FOXP1: variants seen among roughly 807,000 people sequenced by gnomAD.
FOXP1 encodes forkhead box P1, also known as forkhead box protein P1.
Under a neutral mutation model 98.2 loss-of-function variants are expected in FOXP1, and 15 were observed. The observed-to-expected ratio is 0.15, with a 90% confidence interval of 0.10 to 0.24. FOXP1 has a LOEUF of 0.24. FOXP1 is among the 10% of genes least tolerant of loss of function. The pLI, the probability that FOXP1 is intolerant of heterozygous loss-of-function variation, is 1.00. For missense variants in FOXP1, 633 were observed against 848.5 expected (o/e 0.75, Z 3.15); for synonymous variants, 371 against 314.5 (o/e 1.18, Z -1.90).
At chr3:71,450,728 T>A (rs2086870139) in intron 3 of FOXP1, among the ~76,000 whole-genome samples, 1 of 152,174 alleles carries the variant, frequency 6.6e-6, no homozygotes, top group Non-Finnish European at 1.5e-5. Flanking sequence ...AGTGATAAGA[T>A]GAGTTGGTCA....
chr3:71,193,656 C>T (rs112565877), intron 6 of FOXP1, among the ~76,000 whole-genome samples: 7 of 151,998 alleles, frequency 4.6e-5, no homozygotes, highest in African/African-American at 1.4e-4. Context: ...GCCATGTTGG[C>T]CAGGCTGGTC....
intron 5 of FOXP1, among the ~76,000 whole-genome samples, chr3:71,235,176 G>A (rs2066670636): frequency 6.6e-6 from 1 of 152,122 alleles, no homozygotes. Flanking sequence ...AAGTCCCCTT[G>A]GATTTTAAGG....
At chr3:71,511,102 T>C (rs767376955) in intron 2 of FOXP1, among the ~76,000 whole-genome samples, 1 of 152,204 alleles carries the variant, frequency 6.6e-6, no homozygotes, top group East Asian at 1.9e-4. Flanking sequence ...AATATCTAAA[T>C]TAAGTCAAAT....
At chr3:71,047,631 T>G (rs185750281) in intron 9 of FOXP1, among the ~76,000 whole-genome samples, 1 of 152,302 alleles carries the variant, frequency 6.6e-6, no homozygotes, top group East Asian at 1.9e-4. Flanking sequence ...AACGATGAAA[T>G]AACATTGTAA....
chr3:71,545,683 C>CTA (rs2045301012), intron 2 of FOXP1, among the ~76,000 whole-genome samples: 1 of 152,044 alleles, frequency 6.6e-6, no homozygotes, highest in Non-Finnish European at 1.5e-5. Flanking sequence ...TAAATTTAAC[C>CTA]TATATATATC....
chr3:71,412,318 A>T (rs928443151), intron 3 of FOXP1, among the ~76,000 whole-genome samples: 7 of 152,184 alleles, frequency 4.6e-5, no homozygotes, highest in Non-Finnish European at 1.0e-4. Flanking sequence ...TACCTTCTGC[A>T]AAGACATAAT....
intron 5 of FOXP1, among the ~76,000 whole-genome samples, chr3:71,271,059 C>T (rs541787129): frequency 6.6e-5 from 10 of 152,238 alleles, no homozygotes; most frequent in South Asian, 2.1e-4. Flanking sequence ...GGTGAAACCC[C>T]GACTCTGCTA....
At chr3:71,475,016 CGCTGTGTCAG>C (rs1371860775) in intron 3 of FOXP1, among the ~76,000 whole-genome samples, 2 of 152,036 alleles carry the variant, frequency 1.3e-5, no homozygotes, top group African/African-American at 4.8e-5. Context: ...CACTGCCATC[CGCTGTGTCAG>C]GCAAGCTCAA....
chr3:71,286,249 T>C (rs911867735), intron 5 of FOXP1, among the ~76,000 whole-genome samples: 1 of 152,182 alleles, frequency 6.6e-6, no homozygotes, highest in Admixed American at 6.5e-5. Flanking sequence ...CTTCATTGAT[T>C]GGCCATTTGG....
At chr3:71,563,520 A>G (rs2046692768) in intron 2 of FOXP1, among the ~76,000 whole-genome samples, 1 of 152,222 alleles carries the variant, frequency 6.6e-6, no homozygotes, top group Admixed American at 6.5e-5. Context: ...TCTTAAGGAC[A>G]ATGCTTTATT....
chr3:71,464,269 C>T, intron 3 of FOXP1, among the ~76,000 whole-genome samples: 1 of 152,128 alleles, frequency 6.6e-6, no homozygotes, highest in African/African-American at 2.4e-5. Flanking sequence ...GAACGAGATC[C>T]TGTCTCAAAA....
intron 5 of FOXP1, among the ~76,000 whole-genome samples, chr3:71,255,757 T>A (rs1318652589): frequency 6.6e-6 from 1 of 152,236 alleles, no homozygotes; most frequent in East Asian, 1.9e-4. Context: ...TATTATGTTT[T>A]ATTATATATT....
chr3:71,229,664 T>C (rs17008381), intron 5 of FOXP1, among the ~76,000 whole-genome samples: 13,036 of 152,198 alleles, frequency 0.086, 644 homozygotes, highest in East Asian at 0.18. Flanking sequence ...TTGTAGAATA[T>C]GCAAATGGGC....
chr3:71,506,045 C>G (rs752069458), intron 2 of FOXP1, among the ~76,000 whole-genome samples: 2 of 152,192 alleles, frequency 1.3e-5, no homozygotes, highest in African/African-American at 2.4e-5. Flanking sequence ...ACAATAAGAG[C>G]CTTGTCACCG....
At chr3:71,432,545 C>T (rs2084815206) in intron 3 of FOXP1, among the ~76,000 whole-genome samples, 1 of 152,132 alleles carries the variant, frequency 6.6e-6, no homozygotes, top group African/African-American at 2.4e-5. Context: ...ACCAGGTCCC[C>T]TAGGCTACGC....
chr3:71,496,606 G>C (rs868467255), intron 2 of FOXP1, among the ~76,000 whole-genome samples: 13 of 152,234 alleles, frequency 8.5e-5, no homozygotes, highest in South Asian at 6.2e-4. Flanking sequence ...CGGATCACGA[G>C]GTCAGGAGAT....
intron 3 of FOXP1, among the ~76,000 whole-genome samples, chr3:71,418,116 G>GGTGTGTGTGTGT (rs60973104): frequency 6.8e-6 from 1 of 147,382 alleles, no homozygotes; most frequent in African/African-American, 2.5e-5. Context: ...TGTGCTTGTG[G>GGTGTGTGTGTGT]GTGTGTGTGT....
chr3:71,241,702 C>T (rs940195612), intron 5 of FOXP1, among the ~76,000 whole-genome samples: 1 of 152,174 alleles, frequency 6.6e-6, no homozygotes, highest in Admixed American at 6.6e-5. Flanking sequence ...CTGGCATGTA[C>T]AGTATGCAAA....
At chr3:70,967,721 T>TG (rs2035246962) in intron 19 of FOXP1, among the ~76,000 whole-genome samples, 1 of 143,834 alleles carries the variant, frequency 7.0e-6, no homozygotes, top group Non-Finnish European at 1.5e-5. Flanking sequence ...TTTTTTTTTT[T>TG]TTTTTTTGCA....
Sources: allele counts gnomAD v4.1 joint callset (sites outside exome capture counted in the v4.1 genomes callset), GRCh38; gene constraint gnomAD v4.1.1; transcripts MANE v1.5; gene names NCBI Gene and HGNC (gene_info 2026-07-23, HGNC 2026-07-21).